L3MBTL4: variants seen among roughly 807,000 people sequenced by gnomAD.
L3MBTL4 encodes lethal(3)malignant brain tumor-like protein 4.
L3MBTL4 carries 70 observed loss-of-function variants against 84.5 expected under a neutral mutation model. That is an observed-to-expected ratio of 0.83 (90% confidence interval 0.68 to 1.01). The LOEUF (loss-of-function observed/expected upper bound fraction) is 1.01, where lower values mean the gene tolerates loss of function less well. L3MBTL4 is among the 50% of genes least tolerant of loss of function. The probability of loss-of-function intolerance (pLI) is 0.00; values close to 1 mark genes in which losing one functional copy is unlikely to be tolerated. For missense variants in L3MBTL4, 715 were observed against 754.8 expected, an observed-to-expected ratio of 0.95 and a Z score of 0.62; for synonymous variants, 274 against 259.8, an observed-to-expected ratio of 1.05 and a Z score of -0.52.
chr18:6,285,099 C>T (rs939757755), intron 4 of L3MBTL4, among the ~76,000 whole-genome samples: 3 of 152,234 alleles, frequency 2.0e-5, no homozygotes, highest in East Asian at 1.9e-4. Flanking sequence ...GCGGTATTAA[C>T]GCCCACTCAG....
At chr18:6,011,192 T>C (rs1444819997) in intron 16 of L3MBTL4, among the ~76,000 whole-genome samples, 2 of 152,186 alleles carry the variant, frequency 1.3e-5, no homozygotes, top group East Asian at 1.9e-4. Flanking sequence ...TAAAGAAGAC[T>C]TAATTACCAC....
At chr18:6,063,181 A>G (rs2057288278) in intron 16 of L3MBTL4, among the ~76,000 whole-genome samples, 1 of 151,852 alleles carries the variant, frequency 6.6e-6, no homozygotes, top group Non-Finnish European at 1.5e-5. Context: ...CTTTCTTTTT[A>G]TGGCTGAGTA....
intron 1 of L3MBTL4, chr18:6,326,609 A>G (rs1281272635): frequency 2.0e-5 from 3 of 152,236 alleles, no homozygotes; most frequent in Non-Finnish European, 2.9e-5. Flanking sequence ...AAAGGAAAGC[A>G]GGGTTCTATG....
chr18:5,990,761 G>C (rs889689072), intron 16 of L3MBTL4, among the ~76,000 whole-genome samples: 25 of 138,044 alleles, frequency 1.8e-4, no homozygotes, highest in African/African-American at 7.6e-4. Flanking sequence ...CTTTAGTAGG[G>C]TTCATGTGGG....
intron 13 of L3MBTL4, among the ~76,000 whole-genome samples, chr18:6,157,272 A>G (rs2043143804): frequency 6.6e-6 from 1 of 152,234 alleles, no homozygotes; most frequent in African/African-American, 2.4e-5. Context: ...AATTCTCTTT[A>G]AAACAGAATG....
intron 17 of L3MBTL4, among the ~76,000 whole-genome samples, chr18:5,968,103 G>C (rs2052443358): frequency 1.3e-5 from 2 of 152,220 alleles, no homozygotes; most frequent in African/African-American, 2.4e-5. Context: ...TGGCCTGCCT[G>C]TTCCTTGGCC....
At chr18:6,391,263 A>G (rs995835851) in intron 1 of L3MBTL4, among the ~76,000 whole-genome samples, 3 of 152,180 alleles carry the variant, frequency 2.0e-5, no homozygotes, top group African/African-American at 7.2e-5. Context: ...ATACAGAAAA[A>G]GCATTTTATA....
intron 14 of L3MBTL4, among the ~76,000 whole-genome samples, chr18:6,109,279 C>A (rs528678026): frequency 1.3e-5 from 2 of 152,200 alleles, no homozygotes; most frequent in East Asian, 3.9e-4. Flanking sequence ...TTTTAAGAAA[C>A]GTTTTTCTGT....
At chr18:6,335,791 G>A (rs576230194) in intron 1 of L3MBTL4, among the ~76,000 whole-genome samples, 19 of 152,268 alleles carry the variant, frequency 1.2e-4, no homozygotes, top group Non-Finnish European at 4.4e-5. Flanking sequence ...CTGCCATCTT[G>A]TGAAGAAGGT....
At chr18:6,068,739 C>T (rs1012325525) in intron 16 of L3MBTL4, among the ~76,000 whole-genome samples, 2 of 152,158 alleles carry the variant, frequency 1.3e-5, no homozygotes, top group Non-Finnish European at 2.9e-5. Flanking sequence ...TTCCAAGCCC[C>T]TTTATGATCA....
intron 16 of L3MBTL4, chr18:6,080,235 T>C (rs2058028839): frequency 6.6e-6 from 1 of 152,258 alleles, no homozygotes; most frequent in Admixed American, 6.5e-5. Flanking sequence ...GACACAAATG[T>C]ACAGAGCTGC....
intron 16 of L3MBTL4, among the ~76,000 whole-genome samples, chr18:6,070,276 A>G (rs1718138906): frequency 6.6e-6 from 1 of 152,136 alleles, no homozygotes; most frequent in East Asian, 1.9e-4. Flanking sequence ...CAACAGAAAA[A>G]TCTTATAAGT....
At chr18:6,260,732 A>G (rs1272974462) in intron 5 of L3MBTL4, 1 of 152,164 alleles carries the variant, frequency 6.6e-6, no homozygotes, top group Non-Finnish European at 1.5e-5. Context: ...TATTTTCAAC[A>G]TTTCGGTGTC....
chr18:6,272,174 G>A (rs543498307), intron 4 of L3MBTL4, among the ~76,000 whole-genome samples: 1 of 152,212 alleles, frequency 6.6e-6, no homozygotes, highest in Admixed American at 6.5e-5. Context: ...GATAATCGAC[G>A]GGAGAGAGAA....
chr18:6,263,305 C>T (rs11874859), intron 5 of L3MBTL4, among the ~76,000 whole-genome samples: 2,128 of 148,834 alleles, frequency 0.014, 42 homozygotes, highest in African/African-American at 0.05. Flanking sequence ...AGTAAAGTAA[C>T]GAGGTAAATC....
At chr18:6,067,745 T>C (rs943711911) in intron 16 of L3MBTL4, among the ~76,000 whole-genome samples, 4 of 152,212 alleles carry the variant, frequency 2.6e-5, no homozygotes, top group African/African-American at 7.2e-5. Flanking sequence ...TAGTATCTCC[T>C]TGAGTAATTT....
At chr18:6,321,345 A>G (rs887437271) in intron 1 of L3MBTL4, among the ~76,000 whole-genome samples, 3 of 152,228 alleles carry the variant, frequency 2.0e-5, no homozygotes, top group Non-Finnish European at 2.9e-5. Context: ...CAAAGGACTA[A>G]TATCCAGAAT....
chr18:6,295,043 G>A, intron 4 of L3MBTL4, among the ~76,000 whole-genome samples: 1 of 152,126 alleles, frequency 6.6e-6, no homozygotes, highest in East Asian at 1.9e-4. Flanking sequence ...GGAAGCCATT[G>A]TGGACAGTTC....
chr18:6,265,962 T>C lies in L3MBTL4; in HGVS notation c.128-1924A>G, dbSNP rs146817794. 3.6e-3 allele frequency among the ~76,000 whole-genome samples: 546 copies of C among 152,216 alleles called. 2 individuals are homozygous for C. The highest frequency in any genetic ancestry group is 0.013 in the African/African-American group (523 of 41,480). On this transcript the variant is annotated intron_variant, in intron 4 of 18. Transcript: ENST00000317931. The stretch of plus-strand genomic sequence containing the variant: ...CAAAACTGCTAAAAAGAATAGATTT[T>C]AAATATTCTCATGACAAAAAACATA...
Sources: gnomAD v4.1 joint callset for allele counts (sites outside exome capture counted in the v4.1 genomes callset) on GRCh38, gnomAD v4.1.1 for gene constraint, MANE v1.5 for transcripts, NCBI Gene and HGNC (gene_info 2026-07-23, HGNC 2026-07-21) for gene names.